The following CERS6 variants were observed in gnomAD, a reference collection of about 807,000 sequenced individuals.
The protein encoded by CERS6 is ceramide synthase 6, also known as LAG1 homolog, ceramide synthase 6.
A neutral mutation model predicts 56.8 loss-of-function variants in CERS6; 26 were observed. That is an observed-to-expected ratio of 0.46 (90% CI 0.34 to 0.63). The LOEUF (loss-of-function observed/expected upper bound fraction) is 0.63. Ranked by LOEUF, CERS6 falls within the 30% of genes least tolerant of loss-of-function variation. CERS6 has a pLI of 0.01. For synonymous variants in CERS6, 164 were observed against 173.3 expected (o/e 0.95, Z 0.42); for missense variants, 415 against 467.5 (o/e 0.89, Z 1.04).
chr2:168,761,515 G>C (rs1410144437), intron 8 of CERS6, among the ~76,000 whole-genome samples: 7 of 152,160 alleles, frequency 4.6e-5, no homozygotes, highest in African/African-American at 2.4e-5. Flanking sequence ...TGTTCAAAGG[G>C]AACTAAAGTT....
intron 4 of CERS6, among the ~76,000 whole-genome samples, chr2:168,643,427 T>C (rs1280066402): frequency 1.3e-5 from 2 of 152,194 alleles, no homozygotes; most frequent in East Asian, 3.9e-4. Context: ...TGTTTGACTT[T>C]AGAGAATGGA....
chr2:168,650,628 G>A (rs961600253), intron 4 of CERS6, among the ~76,000 whole-genome samples: 3 of 151,690 alleles, frequency 2.0e-5, no homozygotes, highest in Non-Finnish European at 2.9e-5. Context: ...CACTCCAAAG[G>A]CAGTATCTGA....
At chr2:168,595,950 G>A (rs1386522730) in intron 3 of CERS6, among the ~76,000 whole-genome samples, 5 of 151,758 alleles carry the variant, frequency 3.3e-5, no homozygotes, top group Non-Finnish European at 7.4e-5. Context: ...TTGGCAAGAC[G>A]TTAAAAATTA....
intron 3 of CERS6, among the ~76,000 whole-genome samples, chr2:168,624,089 C>T (rs1684535644): frequency 6.6e-6 from 1 of 152,114 alleles, no homozygotes; most frequent in Admixed American, 6.6e-5. Flanking sequence ...TGTAAAACAC[C>T]TGTAAGACCG....
chr2:168,520,696 G>A (rs142313464), intron 1 of CERS6, among the ~76,000 whole-genome samples: 1,547 of 124,038 alleles, frequency 0.012, 14 homozygotes, highest in Non-Finnish European at 0.018. Flanking sequence ...CGCAACCTCC[G>A]CCTCCTGGGT....
At chr2:168,493,032 C>T (rs1158245485) in intron 1 of CERS6, among the ~76,000 whole-genome samples, 2 of 152,054 alleles carry the variant, frequency 1.3e-5, no homozygotes, top group African/African-American at 4.8e-5. Flanking sequence ...ATGTATACTT[C>T]TGTCATTCTT....
At chr2:168,685,361 A>G (rs1477692054) in intron 4 of CERS6, among the ~76,000 whole-genome samples, 1 of 152,180 alleles carries the variant, frequency 6.6e-6, no homozygotes, top group Admixed American at 6.5e-5. Context: ...AGAAAAGCAC[A>G]TGTATGTATG....
chr2:168,525,594 A>G (rs1336010226), intron 1 of CERS6, among the ~76,000 whole-genome samples: 1 of 152,206 alleles, frequency 6.6e-6, no homozygotes, highest in Admixed American at 6.5e-5. Context: ...GGAAATTTAA[A>G]CATTCAATGG....
At chr2:168,743,995 C>CTTTTTTTTTTTT (rs58256507) in intron 8 of CERS6, among the ~76,000 whole-genome samples, 12 of 63,414 alleles carry the variant, frequency 1.9e-4, no homozygotes, top group African/African-American at 6.9e-4. Context: ...TCTTTTTTTT[C>CTTTTTTTTTTTT]TTTTTTTTTT....
chr2:168,681,347 TA>T (rs1438746411), intron 4 of CERS6, among the ~76,000 whole-genome samples: 2 of 152,230 alleles, frequency 1.3e-5, no homozygotes, highest in Non-Finnish European at 2.9e-5. Context: ...TGTCAACATA[TA>T]AATACTCCAA....
chr2:168,616,690 A>G (rs541069400), intron 3 of CERS6, among the ~76,000 whole-genome samples: 4 of 152,322 alleles, frequency 2.6e-5, no homozygotes, highest in South Asian at 2.1e-4. Flanking sequence ...AAATGTCACA[A>G]TTCTAAATAT....
chr2:168,463,087 G>A (rs1693806244), intron 1 of CERS6, among the ~76,000 whole-genome samples: 1 of 152,096 alleles, frequency 6.6e-6, no homozygotes, highest in South Asian at 2.1e-4. Flanking sequence ...CCTGTAAGGT[G>A]GATACTAATT....
chr2:168,549,526 T>A (rs571593337), intron 2 of CERS6, among the ~76,000 whole-genome samples: 1 of 152,204 alleles, frequency 6.6e-6, no homozygotes, highest in African/African-American at 2.4e-5. Flanking sequence ...TCCCAGCTAC[T>A]CGGGAGGCTG....
chr2:168,620,649 C>T (rs1201544478), intron 3 of CERS6, among the ~76,000 whole-genome samples: 1 of 152,086 alleles, frequency 6.6e-6, no homozygotes, highest in Non-Finnish European at 1.5e-5. Flanking sequence ...GATTCTACCT[C>T]ATCCCTGTGG....
At chr2:168,627,051 T>C (rs1684606942) in intron 3 of CERS6, among the ~76,000 whole-genome samples, 1 of 152,186 alleles carries the variant, frequency 6.6e-6, no homozygotes. Context: ...TAATTTACCT[T>C]GTTTAACCAA....
intron 3 of CERS6, among the ~76,000 whole-genome samples, chr2:168,620,020 C>CACACACACACAA (rs1441903999): frequency 4.1e-5 from 3 of 72,596 alleles, no homozygotes; most frequent in African/African-American, 1.7e-4. Context: ...TCCATACACA[C>CACACACACACAA]ACACACACAC....
chr2:168,489,760 C>T (rs1694336002), intron 1 of CERS6, among the ~76,000 whole-genome samples: 1 of 152,000 alleles, frequency 6.6e-6, no homozygotes, highest in Non-Finnish European at 1.5e-5. Context: ...TTCTGTCTTT[C>T]CATTCATTCC....
chr2:168,656,984 G>C (rs1317526175), intron 4 of CERS6, among the ~76,000 whole-genome samples: 1 of 152,172 alleles, frequency 6.6e-6, no homozygotes, highest in Non-Finnish European at 1.5e-5. Context: ...GTGTCGATTG[G>C]TGCAGTCACA....
At chr2:168,719,820 T>C (rs1201960263) in intron 8 of CERS6, among the ~76,000 whole-genome samples, 1 of 152,180 alleles carries the variant, frequency 6.6e-6, no homozygotes, top group East Asian at 1.9e-4. Context: ...AGAAATATAA[T>C]GCAGGCTTTA....
Sources: gnomAD v4.1 joint callset for allele counts (sites outside exome capture counted in the v4.1 genomes callset) on GRCh38, gnomAD v4.1.1 for gene constraint, MANE v1.5 for transcripts, NCBI Gene and HGNC (gene_info 2026-07-23, HGNC 2026-07-21) for gene names.